The following PIAS1 variants were observed in gnomAD, a reference collection of about 807,000 sequenced individuals.
PIAS1 encodes protein inhibitor of activated STAT 1, also known as E3 SUMO-protein ligase PIAS1.
Under a neutral mutation model 71.3 loss-of-function variants are expected in PIAS1, and 6 were observed. The observed-to-expected ratio is 0.08, with a 90% CI of 0.05 to 0.17. The LOEUF (loss-of-function observed/expected upper bound fraction) is 0.17. Among genes scored for constraint, PIAS1 ranks in the 10% least tolerant of loss-of-function variants. PIAS1 has a pLI of 1.00. For synonymous variants in PIAS1, 303 were observed against 292.9 expected (o/e 1.03, Z -0.35); for missense variants, 555 against 793.6 (o/e 0.70, Z 3.61).
intron 7 of PIAS1, among the ~76,000 whole-genome samples, chr15:68,156,221 T>A (rs900455288): frequency 6.6e-6 from 1 of 152,204 alleles, no homozygotes; most frequent in Non-Finnish European, 1.5e-5. Context: ...CACAAGTCAT[T>A]AATGAGTTAA....
At chr15:68,115,026 C>T (rs904932455) in intron 2 of PIAS1, among the ~76,000 whole-genome samples, 7 of 152,008 alleles carry the variant, frequency 4.6e-5, no homozygotes, top group African/African-American at 1.7e-4. Flanking sequence ...TCCCCCATGA[C>T]CATTGTAAGT....
At chr15:68,146,378 A>G (rs774439915) in intron 5 of PIAS1, among the ~76,000 whole-genome samples, 188 bp from the exon 6 acceptor site, 8 of 152,206 alleles carry the variant, frequency 5.3e-5, no homozygotes, top group East Asian at 1.9e-4. Context: ...CAGGTTTACT[A>G]TAAGGAGAGT....
In PIAS1 at chr15:68,054,606, G is replaced by A; in HGVS notation, c.24+256G>A. On this transcript the variant is annotated intron_variant, in intron 1 of 13. Coordinates refer to ENST00000249636, the MANE Select transcript of PIAS1 (RefSeq NM_016166.3). This position sits in a 1 kb window ranked among gnomAD's most constrained non-coding sequence, Gnocchi z 4.6. Reference sequence around the variant, plus strand: ...GTGGGCGCCTCTGGCGGGGGTGGCGGGGGAAGAGATAGGGAGTCCGGAGGT... The same window carrying A: ...GTGGGCGCCTCTGGCGGGGGTGGCGAGGGAAGAGATAGGGAGTCCGGAGGT... 2.3e-6 allele frequency: 1 copy of A among 425,748 alleles called. No homozygotes were observed. 26.4% of individuals were successfully genotyped at this position (425,748 alleles called of 1,614,324 possible).
chr15:68,126,916 A>C (rs1052473780), intron 2 of PIAS1, among the ~76,000 whole-genome samples: 1 of 149,170 alleles, frequency 6.7e-6, no homozygotes, highest in Non-Finnish European at 1.5e-5. Flanking sequence ...ATGTCTGTTC[A>C]TTTTTTTTGA....
intron 2 of PIAS1, among the ~76,000 whole-genome samples, chr15:68,112,134 G>A (rs1317905961): frequency 1.3e-5 from 2 of 151,968 alleles, no homozygotes; most frequent in Non-Finnish European, 1.5e-5. Context: ...TCCGTTTACC[G>A]TATATGTTTT....
chr15:68,064,659 T>C (rs1403230567), intron 1 of PIAS1, among the ~76,000 whole-genome samples: 2 of 152,226 alleles, frequency 1.3e-5, no homozygotes, highest in Admixed American at 6.5e-5. Flanking sequence ...CTGAAAAGGC[T>C]AGAGCATTTT....
At chr15:68,108,155 C>T (rs184066789) in intron 2 of PIAS1, among the ~76,000 whole-genome samples, 83 of 152,300 alleles carry the variant, frequency 5.4e-4, no homozygotes, top group Admixed American at 3.7e-3. Flanking sequence ...GGATCCTCAG[C>T]GTGGCAAAAT....
At chr15:68,148,787 T>A (rs2092825742) in intron 6 of PIAS1, among the ~76,000 whole-genome samples, 1 of 152,192 alleles carries the variant, frequency 6.6e-6, no homozygotes, top group South Asian at 2.1e-4. Flanking sequence ...AAAAGATCAC[T>A]CCTTGGAGTG....
At chr15:68,134,939 C>A (rs2092713986) in intron 2 of PIAS1, among the ~76,000 whole-genome samples, 1 of 53,316 alleles carries the variant, frequency 1.9e-5, no homozygotes, top group Admixed American at 1.5e-4. Flanking sequence ...CGCCCCCCAC[C>A]CCCCGGACGG....
Position 68,070,249 on chromosome 15 carries a change from A to G in PIAS1, c.24+15899A>G, listed in dbSNP as rs147977524. On this transcript the variant is annotated intron_variant, in intron 1 of 13. Coordinates refer to ENST00000249636, the MANE Select transcript of PIAS1 (RefSeq NM_016166.3). ...TGAATGTGCCAGGCATGGAGGGACAATGGAATTTTGCAAAGAAATGTTTAG... is the reference window on the plus strand; with the variant it reads ...TGAATGTGCCAGGCATGGAGGGACAGTGGAATTTTGCAAAGAAATGTTTAG... 2.5e-4 allele frequency among the ~76,000 whole-genome samples: 38 copies of G among 152,348 alleles called. No individual in the cohort carries two copies. The South Asian group carries it at 3.9e-3, about 16-fold the overall frequency.
At chr15:68,176,198 T>C (rs1358694106) in intron 10 of PIAS1, among the ~76,000 whole-genome samples, 1 of 152,202 alleles carries the variant, frequency 6.6e-6, no homozygotes, top group Non-Finnish European at 1.5e-5. Context: ...CAAAAATTAA[T>C]ATACCGTCTG....
At chr15:68,157,333 A>G (rs890801986) in intron 7 of PIAS1, among the ~76,000 whole-genome samples, 10 of 152,056 alleles carry the variant, frequency 6.6e-5, no homozygotes, top group African/African-American at 1.9e-4. Flanking sequence ...TGTGCTGTCA[A>G]GACTCTTTTA....
intron 11 of PIAS1, 111 bp from the exon 12 acceptor site, chr15:68,181,101 C>A: frequency 1.2e-6 from 1 of 823,760 alleles, no homozygotes; most frequent in East Asian, 2.7e-5. Flanking sequence ...TGGTTTTGTT[C>A]TTATTTCCAG....
intron 1 of PIAS1, among the ~76,000 whole-genome samples, chr15:68,058,823 AAG>A (rs907814683): frequency 1.3e-5 from 2 of 152,186 alleles, no homozygotes; most frequent in African/African-American, 4.8e-5. Flanking sequence ...TTATCCACTT[AAG>A]ACTTTCTCTC....
chr15:68,126,761 A>T (rs2092653495), intron 2 of PIAS1, among the ~76,000 whole-genome samples: 2 of 151,442 alleles, frequency 1.3e-5, no homozygotes, highest in Non-Finnish European at 2.9e-5. Context: ...ATGGTTATAA[A>T]TGGTAGCTTT....
chr15:68,189,144 A>G lies in PIAS1; in HGVS notation c.*1309A>G, dbSNP rs1208205911. 6.6e-6 allele frequency: 1 copy of G among 152,214 alleles called. No homozygotes were observed. Among genetic ancestry groups the G allele is most frequent in the Non-Finnish European group, 1.5e-5 (1 of 68,036 alleles). 9.4% of individuals were successfully genotyped at this position (152,214 alleles called of 1,614,324 possible). On this transcript the variant is annotated 3_prime_UTR_variant, in exon 14 of 14. Transcript: ENST00000249636. ...CATTTTTTTTTAGAATTCATGGATC[A>G]GTCTGATCTACTCTTATTCATAATG...
chr15:68,147,250 G>C (rs778271400), intron 6 of PIAS1, among the ~76,000 whole-genome samples: 9 of 152,086 alleles, frequency 5.9e-5, no homozygotes, highest in Non-Finnish European at 1.2e-4. Flanking sequence ...TGTTATTTGC[G>C]TGCTCGTTAA....
Position 68,146,534 on chromosome 15 carries a change from A to G in PIAS1, c.694-32A>G, listed in dbSNP as rs577104680. Reference sequence around the variant, plus strand: ...GGAAGTCAAAATGATTGTGGAAATAATAAGTATAAATAAATTACATTTCAT... The same window carrying G: ...GGAAGTCAAAATGATTGTGGAAATAGTAAGTATAAATAAATTACATTTCAT... On this transcript the variant is annotated intron_variant, in intron 5 of 13. Transcript: ENST00000249636. The G allele has an allele frequency of 1.2e-5, 19 of 1,562,502 alleles. No individual in the cohort carries two copies. The African/African-American group carries it at 1.9e-4, about 16-fold the overall frequency.
intron 2 of PIAS1, among the ~76,000 whole-genome samples, chr15:68,104,599 C>A (rs1036658376): frequency 6.6e-6 from 1 of 151,962 alleles, no homozygotes; most frequent in Non-Finnish European, 1.5e-5. Flanking sequence ...AACAATTGAT[C>A]TCATGGAGGT....
Sources: gnomAD v4.1 joint callset for allele counts (sites outside exome capture counted in the v4.1 genomes callset) on GRCh38, gnomAD v4.1.1 for gene constraint, Gnocchi (gnomAD v3.1) non-coding constraint, MANE v1.5 for transcripts, NCBI Gene and HGNC (gene_info 2026-07-23, HGNC 2026-07-21) for gene names.